NRG1: variants seen among roughly 807,000 people sequenced by gnomAD.
NRG1 encodes pro-neuregulin-1, membrane-bound isoform.
NRG1 carries 18 observed loss-of-function variants against 63.8 expected under a neutral mutation model. That is an observed-to-expected ratio of 0.28 (90% CI 0.19 to 0.42). The LOEUF is 0.42. NRG1 is among the 10% of genes least tolerant of loss of function. NRG1 has a pLI of 1.00. For synonymous variants in NRG1, 302 were observed against 301.3 expected, an observed-to-expected ratio of 1.00 and a Z score of -0.02; for missense variants, 762 against 814.7, an observed-to-expected ratio of 0.94 and a Z score of 0.79.
At chr8:32,764,016 C>G in exon 12 of NRG1, 1 of 1,614,088 alleles carries the variant, frequency 6.2e-7, no homozygotes, top group Non-Finnish European at 8.5e-7. Flanking sequence ...TAACAGCCTC[C>G]CTGCTAGCCC....
intron 1 of NRG1, among the ~76,000 whole-genome samples, chr8:31,848,395 A>G (rs1826889342): frequency 6.6e-6 from 1 of 152,174 alleles, no homozygotes; most frequent in Non-Finnish European, 1.5e-5. Flanking sequence ...GATCCATGGA[A>G]TTATGATAGC....
chr8:31,837,829 T>A (rs1825827059), intron 1 of NRG1, among the ~76,000 whole-genome samples: 1 of 152,168 alleles, frequency 6.6e-6, no homozygotes, highest in Non-Finnish European at 1.5e-5. Flanking sequence ...TTTTTGTGGC[T>A]GAATAGTATT....
rs184384076 is a variant in NRG1 at position 32,439,423 on chromosome 8, T to C, written c.38-156405T>C. Among the ~76,000 whole-genome samples the C allele has an allele frequency of 3.2e-3, 484 of 152,276 alleles. 2 individuals carry two copies. The highest frequency in any genetic ancestry group is 4.3e-3 in the Non-Finnish European group (291 of 68,010). On this transcript the variant is annotated intron_variant, in intron 1 of 10. Transcript: ENST00000519301. ...CATGACAGTCTTGTTTTCTAAATCT[T>C]AACTGCCTTTTGATGAAAAAGAAAG...
chr8:31,744,062 CTCT>C (rs1426876226), intron 1 of NRG1, among the ~76,000 whole-genome samples: 1 of 151,944 alleles, frequency 6.6e-6, no homozygotes, highest in Non-Finnish European at 1.5e-5. Flanking sequence ...TTTTGGTTAT[CTCT>C]TATTGGTCAA....
chr8:31,645,093 A>G (rs1193667205), intron 1 of NRG1, among the ~76,000 whole-genome samples: 3 of 152,180 alleles, frequency 2.0e-5, no homozygotes, highest in African/African-American at 7.2e-5. Flanking sequence ...GGCATTGTGG[A>G]CAGTTTTCAA....
At position 31,640,398 on chromosome 8, in the gene NRG1, G is replaced by C. The variant is rs778723461; in HGVS notation, c.37+967G>C. The C allele has an allele frequency of 7.0e-7, 1 of 1,437,724 alleles. No homozygotes were observed. The highest frequency in any genetic ancestry group is 2.6e-5 in the Admixed American group (1 of 37,818). 89.1% of individuals were successfully genotyped at this position (1,437,724 alleles called of 1,614,324 possible). A position where few individuals can be genotyped will look rare whatever the true frequency, so the allele number is the denominator to read the frequency against. On this transcript the variant is annotated intron_variant, in intron 1 of 10. Coordinates refer to the NRG1 transcript ENST00000519301. The surrounding 1 kb of genome is among the most constrained non-coding windows in gnomAD (Gnocchi z 6.3). ...AGGAGCCGCTGCTCGCCGCCAACGG[G>C]ACCGTGCCCTCTTGGCCCACCGCCC...
chr8:31,916,739 C>A (rs1474127585), intron 1 of NRG1, among the ~76,000 whole-genome samples: 1 of 152,062 alleles, frequency 6.6e-6, no homozygotes, highest in Non-Finnish European at 1.5e-5. Context: ...ATGGCTGGGT[C>A]AAATGGTATT....
At chr8:32,011,127 A>G (rs1368953704) in intron 1 of NRG1, among the ~76,000 whole-genome samples, 1 of 152,110 alleles carries the variant, frequency 6.6e-6, no homozygotes, top group Admixed American at 6.6e-5. Context: ...TTGTTATGGC[A>G]AATCTCTACG....
intron 5 of NRG1, among the ~76,000 whole-genome samples, chr8:32,675,641 A>G (rs1474967140): frequency 6.6e-6 from 1 of 152,174 alleles, no homozygotes; most frequent in Non-Finnish European, 1.5e-5. Context: ...AGCAACAGCT[A>G]TATTCCAGAA....
chr8:32,534,977 G>A (rs1422958930), intron 1 of NRG1, among the ~76,000 whole-genome samples: 2 of 152,078 alleles, frequency 1.3e-5, no homozygotes, highest in Admixed American at 1.3e-4. Context: ...AAGCTAAAAT[G>A]GCTCTATGGA....
intron 1 of NRG1, among the ~76,000 whole-genome samples, chr8:31,691,987 C>A (rs533447731): frequency 4.6e-5 from 7 of 152,078 alleles, no homozygotes; most frequent in Non-Finnish European, 8.8e-5. Flanking sequence ...GGCACACTAC[C>A]ACACTCAGCT....
chr8:32,410,308 G>T (rs775683227), intron 1 of NRG1, among the ~76,000 whole-genome samples: 6 of 149,732 alleles, frequency 4.0e-5, no homozygotes, highest in Non-Finnish European at 8.9e-5. Flanking sequence ...GGCCTCCTGA[G>T]TAGCTGGGAC....
At chr8:32,765,894 C>T (rs1254177577) in exon 12 of NRG1, 1 of 152,088 alleles carries the variant, frequency 6.6e-6, no homozygotes, top group African/African-American at 2.4e-5. Context: ...TAAGTATTAA[C>T]ATTTGAAATA....
chr8:32,170,787 A>G (rs766505952), intron 1 of NRG1, among the ~76,000 whole-genome samples: 1 of 152,232 alleles, frequency 6.6e-6, no homozygotes, highest in Non-Finnish European at 1.5e-5. Context: ...ACATTTATCA[A>G]TCCACCGGTG....
At chr8:31,886,743 T>C (rs1457885114) in intron 1 of NRG1, among the ~76,000 whole-genome samples, 1 of 152,058 alleles carries the variant, frequency 6.6e-6, no homozygotes, top group Non-Finnish European at 1.5e-5. Context: ...GCATCATCAA[T>C]GATTCGAATG....
chr8:32,548,611 G>A, exon 1 of NRG1: 3 of 1,388,172 alleles, frequency 2.2e-6, no homozygotes, highest in South Asian at 3.3e-5. Context: ...GCGCCTCAGC[G>A]CGGCCGCTCG....
At chr8:32,543,489 G>A (rs1053642370), upstream of NRG1, among the ~76,000 whole-genome samples, 1 of 151,960 alleles carries the variant, frequency 6.6e-6, no homozygotes, top group African/African-American at 2.4e-5. Context: ...AAAAATGATT[G>A]TCTTATATAT....
At chr8:31,993,239 C>A (rs1453326772) in intron 1 of NRG1, among the ~76,000 whole-genome samples, 1 of 151,974 alleles carries the variant, frequency 6.6e-6, no homozygotes, top group East Asian at 1.9e-4. Context: ...GTGGGGAGCT[C>A]TGGGGCCAGA....
chr8:31,942,555 A>G (rs1157972681), intron 1 of NRG1, among the ~76,000 whole-genome samples: 4 of 152,200 alleles, frequency 2.6e-5, no homozygotes, highest in East Asian at 1.9e-4. Context: ...AATGAAACTA[A>G]AAAGTTTCTG....
Sources: gnomAD v4.1 joint callset for allele counts (sites outside exome capture counted in the v4.1 genomes callset) on GRCh38, gnomAD v4.1.1 for gene constraint, Gnocchi (gnomAD v3.1) non-coding constraint, MANE v1.5 for transcripts, NCBI Gene and HGNC (gene_info 2026-07-23, HGNC 2026-07-21) for gene names.